ANKS1B: variants seen among roughly 807,000 people sequenced by gnomAD.
ANKS1B encodes ankyrin repeat and sterile alpha motif domain-containing protein 1B.
In ANKS1B, 36 loss-of-function variants were observed where a neutral mutation model predicts 148.3. That is an observed-to-expected ratio of 0.24 (90% CI 0.19 to 0.32). The LOEUF is 0.32. ANKS1B is among the 10% of genes least tolerant of loss of function. ANKS1B has a pLI of 1.00. For missense variants in ANKS1B, 1,157 were observed against 1,542.6 expected, an observed-to-expected ratio of 0.75 and a Z score of 4.19; for synonymous variants, 542 against 560.8, an observed-to-expected ratio of 0.97 and a Z score of 0.47.
chr12:99,757,443 G>T (rs538413630), intron 8 of ANKS1B, among the ~76,000 whole-genome samples: 2 of 151,808 alleles, frequency 1.3e-5, no homozygotes, highest in Admixed American at 6.6e-5. Flanking sequence ...CATAACAGAC[G>T]CTGGCAAGGT....
At chr12:98,818,503 T>C (rs2099160052) in intron 19 of ANKS1B, among the ~76,000 whole-genome samples, 1 of 152,164 alleles carries the variant, frequency 6.6e-6, no homozygotes, top group Non-Finnish European at 1.5e-5. Flanking sequence ...GTTCCAGGGA[T>C]GTTGCAGGGA....
chr12:98,978,366 A>T (rs1474548953), intron 17 of ANKS1B, among the ~76,000 whole-genome samples: 3 of 152,308 alleles, frequency 2.0e-5, no homozygotes, highest in African/African-American at 7.2e-5. Flanking sequence ...GGCTTAAAGT[A>T]TAAATCTGTA....
chr12:99,244,276 C>T, intron 14 of ANKS1B, 66 bp downstream of exon 14: 3 of 1,078,238 alleles, frequency 2.8e-6, no homozygotes, highest in Non-Finnish European at 4.1e-6. Context: ...TCTAAAGATT[C>T]CTATCATTTT....
intron 9 of ANKS1B, among the ~76,000 whole-genome samples, chr12:99,625,903 G>A (rs2098108453): frequency 6.6e-6 from 1 of 152,078 alleles, no homozygotes; most frequent in African/African-American, 2.4e-5. Context: ...AGGTATAATA[G>A]GATTAGTCCA....
rs71081896 is a variant in ANKS1B, at chr12:99,098,619, C to CTTTTTTTTTTTTTTTTTTTTTTTTTTT, written c.2527-13623_2527-13597dup. ...AATAAAGCATGCCTGCTAGGAACTA[C>CTTTTTTTTTTTTTTTTTTTTTTTTTTT]TTTTTTTTTTTTTTTTTTTTTTTTT... is the stretch of plus-strand genomic sequence containing the variant. On this transcript the variant is annotated intron_variant, in intron 15 of 26. Transcript: ENST00000683438. Among the ~76,000 whole-genome samples, 2 of 32,112 alleles carry CTTTTTTTTTTTTTTTTTTTTTTTTTTT rather than the reference C, an allele frequency of 6.2e-5. 1 individual carries two copies. The highest frequency in any genetic ancestry group is 2.1e-4 in the African/African-American group (2 of 9,450). 21.1% of individuals were successfully genotyped at this position (32,112 alleles called of 152,430 possible).
At chr12:98,915,800 G>C (rs904556401) in intron 17 of ANKS1B, among the ~76,000 whole-genome samples, 8 of 152,296 alleles carry the variant, frequency 5.3e-5, no homozygotes, top group East Asian at 3.9e-4. Flanking sequence ...GAAACTGAAG[G>C]CCAGTGAAGT....
At chr12:99,072,509 T>TAA (rs2153591460) in intron 16 of ANKS1B, among the ~76,000 whole-genome samples, 1 of 152,284 alleles carries the variant, frequency 6.6e-6, no homozygotes, top group Non-Finnish European at 1.5e-5. Flanking sequence ...TAGATTTAAC[T>TAA]AAAAGCTCAA....
chr12:99,447,437 CACTCTCTAAAAAAACATTTTCTTA>C lies in ANKS1B; in HGVS notation c.1439-3652_1439-3629del, dbSNP rs1030456217. On this transcript the variant is annotated intron_variant, in intron 10 of 26. Coordinates refer to ENST00000683438, the MANE Select transcript of ANKS1B (RefSeq NM_001352186.2). ...GCCAGTCTGGGAAACATAGGGAGACCACTCTCTAAAAAAACATTTTCTTAATTAATTAAAGACTTAAGTGTAAAA... is the reference window on the plus strand; with the variant it reads ...GCCAGTCTGGGAAACATAGGGAGACCATTAATTAAAGACTTAAGTGTAAAA... Among the ~76,000 whole-genome samples the C allele has an allele frequency of 7.9e-5, 12 of 151,984 alleles. No individual in the cohort carries two copies. The South Asian group carries it at 2.5e-3, about 32-fold the overall frequency.
At chr12:98,985,509 T>C (rs978550310) in intron 17 of ANKS1B, among the ~76,000 whole-genome samples, 1 of 152,042 alleles carries the variant, frequency 6.6e-6, no homozygotes. Flanking sequence ...CAGGATTGGA[T>C]TATTAGTTAC....
chr12:99,299,701 G>C (rs763885812), intron 12 of ANKS1B, among the ~76,000 whole-genome samples: 1 of 152,094 alleles, frequency 6.6e-6, no homozygotes, highest in Admixed American at 6.6e-5. Context: ...ATAGAAGTTA[G>C]GACATATCTA....
At chr12:99,854,166 C>A (rs886653356) in intron 1 of ANKS1B, among the ~76,000 whole-genome samples, 1 of 152,120 alleles carries the variant, frequency 6.6e-6, no homozygotes. Context: ...TGCCCACCAC[C>A]GCGCCCAGCT....
chr12:99,223,440 C>A (rs995871430), intron 14 of ANKS1B, among the ~76,000 whole-genome samples: 31 of 152,096 alleles, frequency 2.0e-4, no homozygotes, highest in African/African-American at 7.2e-4. Context: ...GAGCCCTGAA[C>A]TTGTTTTCCT....
chr12:99,463,806 G>A (rs1386532080), intron 10 of ANKS1B, among the ~76,000 whole-genome samples: 9 of 152,236 alleles, frequency 5.9e-5, no homozygotes, highest in Non-Finnish European at 8.8e-5. Flanking sequence ...ACTGGGTGGA[G>A]CCCACCACAG....
intron 17 of ANKS1B, among the ~76,000 whole-genome samples, chr12:98,927,934 G>C (rs556205755): frequency 6.6e-6 from 1 of 151,248 alleles, no homozygotes; most frequent in South Asian, 2.1e-4. Context: ...ATAAAAATAA[G>C]AGTAGAAATA....
intron 1 of ANKS1B, among the ~76,000 whole-genome samples, chr12:99,862,970 G>GA (rs2090231982): frequency 6.6e-6 from 1 of 152,104 alleles, no homozygotes; most frequent in Non-Finnish European, 1.5e-5. Context: ...AGACCAGATG[G>GA]AAAAAACAGT....
At chr12:98,976,923 A>T (rs942550470) in intron 17 of ANKS1B, among the ~76,000 whole-genome samples, 4 of 152,168 alleles carry the variant, frequency 2.6e-5, no homozygotes, top group Non-Finnish European at 4.4e-5. Context: ...TATTAGACTA[A>T]CTATTTTCTT....
chr12:98,826,465 A>G (rs1376491496), intron 19 of ANKS1B, among the ~76,000 whole-genome samples: 1 of 152,124 alleles, frequency 6.6e-6, no homozygotes, highest in Non-Finnish European at 1.5e-5. Context: ...TGGTAAGCAG[A>G]CCTCAAGAAG....
At chr12:99,716,953 C>T (rs1377866010) in intron 8 of ANKS1B, among the ~76,000 whole-genome samples, 3 of 152,134 alleles carry the variant, frequency 2.0e-5, no homozygotes, top group Non-Finnish European at 4.4e-5. Context: ...AGTTTCATTC[C>T]GTGACTAGCC....
chr12:99,060,653 TCACACACA>T (rs35515489), intron 16 of ANKS1B, among the ~76,000 whole-genome samples: 1,472 of 126,086 alleles, frequency 0.012, 20 homozygotes, highest in African/African-American at 0.031. Context: ...TATATACACA[TCACACACA>T]CACACACACA....
Sources: allele counts gnomAD v4.1 joint callset (sites outside exome capture counted in the v4.1 genomes callset), GRCh38; gene constraint gnomAD v4.1.1; transcripts MANE v1.5; gene names NCBI Gene and HGNC (gene_info 2026-07-23, HGNC 2026-07-21).